The following DAW1 variants were observed in gnomAD, a reference collection of about 807,000 sequenced individuals.
DAW1 encodes dynein assembly factor with WD repeats 1, also known as dynein assembly factor with WD repeat domains 1.
Under a neutral mutation model 56.5 loss-of-function variants are expected in DAW1, and 47 were observed. The observed-to-expected ratio is 0.83, with a 90% CI of 0.66 to 1.06. The LOEUF (loss-of-function observed/expected upper bound fraction) is 1.06. Among genes scored for constraint, DAW1 ranks in the 50% least tolerant of loss-of-function variants. DAW1 has a pLI of 0.00. For missense variants in DAW1, 505 were observed against 499.3 expected, an observed-to-expected ratio of 1.01 and a Z score of -0.11; for synonymous variants, 190 against 179.0, an observed-to-expected ratio of 1.06 and a Z score of -0.49.
In DAW1 at chr2:227,924,058, T is replaced by C. The variant is rs1450480096; in HGVS notation, c.*90T>C. On this transcript the variant is annotated 3_prime_UTR_variant, in exon 13 of 13. Coordinates refer to ENST00000309931, the MANE Select transcript of DAW1 (RefSeq NM_178821.3). ...ACAGCAGCTCTCTTAATATTTCTTA[T>C]ACTTTCTCTTTTTCTGCAAGTCAAC... 6 of 1,467,050 alleles carry C rather than the reference T, an allele frequency of 4.1e-6. No homozygotes were observed. The highest frequency in any genetic ancestry group is 2.4e-5 in the East Asian group (1 of 41,752). 90.9% of individuals were successfully genotyped at this position (1,467,050 alleles called of 1,614,324 possible).
chr2:227,917,535 CAGGCATG>C (rs1353150979), intron 10 of DAW1, among the ~76,000 whole-genome samples: 3 of 151,942 alleles, frequency 2.0e-5, no homozygotes, highest in Non-Finnish European at 4.4e-5. Flanking sequence ...GCTGGGATTA[CAGGCATG>C]AGCCACTGCG....
At chr2:227,903,576 GC>G (rs933089444) in intron 7 of DAW1, among the ~76,000 whole-genome samples, 32 of 152,166 alleles carry the variant, frequency 2.1e-4, no homozygotes, top group African/African-American at 7.2e-4. Context: ...CAGAGTGAGT[GC>G]TGTGGGGCAT....
At chr2:227,904,377 C>T (rs906061851) in intron 7 of DAW1, among the ~76,000 whole-genome samples, 2 of 152,130 alleles carry the variant, frequency 1.3e-5, no homozygotes, top group Non-Finnish European at 2.9e-5. Context: ...GTGGTTTCTT[C>T]CCATTATCTT....
intron 2 of DAW1, among the ~76,000 whole-genome samples, chr2:227,885,996 CAG>C (rs1691121886): frequency 8.5e-6 from 1 of 118,322 alleles, no homozygotes; most frequent in Non-Finnish European, 1.7e-5. Flanking sequence ...TTTTTTGAGA[CAG>C]AGTTTCACTC....
chr2:227,905,018 G>T lies in DAW1; in HGVS notation c.738G>T (p.Trp246Cys). 1 of 1,612,446 alleles carries T rather than the reference G, an allele frequency of 6.2e-7. No homozygotes were observed. The highest frequency in any genetic ancestry group is 8.5e-7 in the Non-Finnish European group (1 of 1,179,108). ...TGSFDHTVVV[W>C]DADTGRKVNI... ...CTTTTGATCATACCGTTGTAGTGTGGGACGCTGATACTGGAAGGTAATTCT... is the reference window on the plus strand; with the variant it reads ...CTTTTGATCATACCGTTGTAGTGTGTGACGCTGATACTGGAAGGTAATTCT... The change falls in exon 8 of 13, where the codon TGG (tryptophan) becomes TGT (cysteine). Residue 246 changes from tryptophan (W) to cysteine (C), a missense_variant. By Grantham distance (215) the Trp-to-Cys change is radical. Coordinates refer to ENST00000309931, the MANE Select transcript of DAW1 (RefSeq NM_178821.3).
chr2:227,897,130 A>C (rs1691429895), intron 5 of DAW1, among the ~76,000 whole-genome samples: 1 of 151,064 alleles, frequency 6.6e-6, no homozygotes, highest in African/African-American at 2.4e-5. Flanking sequence ...CTTTGAGCTT[A>C]TCTTGAGCAC....
chr2:227,891,291 G>A lies in DAW1; in HGVS notation c.295G>A (p.Ala99Thr). Residue 99 changes from alanine (A) to threonine (T), a missense_variant, in exon 4 of 13, where the codon GCA becomes ACA. Ala to Thr is a moderately conservative substitution (Grantham distance 58, BLOSUM62 0). Coordinates refer to ENST00000309931, the MANE Select transcript of DAW1 (RefSeq NM_178821.3). ...ACATATATTGCCACTGACTAATGTT[G>A]CACTTAACAAATCGGGCTCATGGTA... is the stretch of plus-strand genomic sequence containing the variant. ...KAHILPLTNV[A>T]LNKSGSCFIT... The A allele has an allele frequency of 6.2e-7, 1 of 1,613,264 alleles. No homozygotes were observed. The highest frequency in any genetic ancestry group is 8.5e-7 in the Non-Finnish European group (1 of 1,179,696).
intron 2 of DAW1, among the ~76,000 whole-genome samples, chr2:227,886,960 A>G (rs1574652056): frequency 6.6e-6 from 1 of 152,326 alleles, no homozygotes; most frequent in African/African-American, 2.4e-5. Flanking sequence ...ACCGTAAGCA[A>G]AAGGAGCTTT....
chr2:227,891,457 C>G (rs1195368401), intron 4 of DAW1, 144 bp downstream of exon 4: 1 of 673,634 alleles, frequency 1.5e-6, no homozygotes, highest in Non-Finnish European at 2.5e-6. Context: ...AAATATAAAC[C>G]CTTTCTCCCA....
At chr2:227,923,018 A>G (rs1692145893) in intron 12 of DAW1, among the ~76,000 whole-genome samples, 1 of 152,212 alleles carries the variant, frequency 6.6e-6, no homozygotes, top group African/African-American at 2.4e-5. Context: ...TTCACAGAAG[A>G]CCCTGGAGAG....
At chr2:227,881,773 G>A (rs1474523386) in intron 1 of DAW1, among the ~76,000 whole-genome samples, 4 of 85,366 alleles carry the variant, frequency 4.7e-5, no homozygotes, top group African/African-American at 1.4e-4. Flanking sequence ...TTTTTTTTGA[G>A]ATAGAGTTTC....
chr2:227,887,786 G>A (rs1243487348), intron 2 of DAW1: 1 of 152,168 alleles, frequency 6.6e-6, no homozygotes, highest in Non-Finnish European at 1.5e-5. Context: ...ATATGAGAAA[G>A]TAAATAAATG....
intron 6 of DAW1, among the ~76,000 whole-genome samples, chr2:227,899,073 A>G (rs1559308186): frequency 6.6e-6 from 1 of 152,256 alleles, no homozygotes; most frequent in Non-Finnish European, 1.5e-5. Flanking sequence ...TCCTTGACCA[A>G]TTCTGAGACA....
chr2:227,890,354 T>A (rs560144548), intron 3 of DAW1, among the ~76,000 whole-genome samples: 1 of 152,346 alleles, frequency 6.6e-6, no homozygotes, highest in East Asian at 1.9e-4. Flanking sequence ...CATTTCGTAT[T>A]TTCTGCTTTC....
chr2:227,905,818 G>A (rs978974516), intron 8 of DAW1, among the ~76,000 whole-genome samples: 1 of 152,202 alleles, frequency 6.6e-6, no homozygotes, highest in Non-Finnish European at 1.5e-5. Flanking sequence ...GCAGTGGCGT[G>A]ATCTCGGCTC....
At position 227,919,687 on chromosome 2, in the gene DAW1, C is replaced by T. The variant is rs914695656; in HGVS notation, c.1050+831C>T. Among the ~76,000 whole-genome samples the T allele has an allele frequency of 2.6e-5, 4 of 152,284 alleles. No homozygotes were observed. In the South Asian group the frequency reaches 6.2e-4, roughly 24 times the overall value. ...TAAACTTCCCCCAAAGGATCATTCA[C>T]GGAGCAGGCCCACCCAGTCAGTGAT... On this transcript the variant is annotated intron_variant, in intron 11 of 12. Transcript: ENST00000309931.
chr2:227,907,181 G>A lies in DAW1; in HGVS notation c.902G>A (p.Gly301Asp), dbSNP rs1691706506. 6.8e-6 allele frequency: 11 copies of A among 1,613,490 alleles called. No individual in the cohort carries two copies. The highest frequency in any genetic ancestry group is 9.3e-6 in the Non-Finnish European group (11 of 1,179,828). The change falls in exon 10 of 13, where the codon GGC becomes GAC. Residue 301 changes from glycine (G) to aspartate (D), a missense_variant. Coordinates refer to ENST00000309931, the MANE Select transcript of DAW1 (RefSeq NM_178821.3). ...GGAAAATGTGTGGCAACCTTAACAGGCCATGATGATGAAATACTAGACAGC... is the reference window on the plus strand; with the variant it reads ...GGAAAATGTGTGGCAACCTTAACAGACCATGATGATGAAATACTAGACAGC... ...TNGKCVATLT[G>D]HDDEILDSCF...
rs754382336 is a variant in DAW1, at chr2:227,893,840, T to C, written c.363T>C (p.Thr121=). 4 of 1,613,970 alleles carry C rather than the reference T, an allele frequency of 2.5e-6. No individual in the cohort carries two copies. The highest frequency in any genetic ancestry group is 3.4e-6 in the Non-Finnish European group (4 of 1,179,918). ...ATCGGACGTGCAAGCTCTGGGACAC[T>C]GCGTCTGGAGAGGAGCTGAACACGC... The part of the protein sequence containing the change: ...SYDRTCKLWD[T]ASGEELNTLE... The change falls in exon 5 of 13, where the codon ACT becomes ACC. Residue 121 remains threonine (T), a synonymous_variant. Transcript: ENST00000309931.
intron 4 of DAW1, among the ~76,000 whole-genome samples, chr2:227,893,276 G>T (rs1026818458): frequency 6.7e-6 from 1 of 150,090 alleles, no homozygotes; most frequent in African/African-American, 2.5e-5. Flanking sequence ...TCTCGGGGGT[G>T]GGGTGGGGGT....
Sources: gnomAD v4.1 joint callset for allele counts (sites outside exome capture counted in the v4.1 genomes callset) on GRCh38, gnomAD v4.1.1 for gene constraint, MANE v1.5 for transcripts, NCBI Gene and HGNC (gene_info 2026-07-23, HGNC 2026-07-21) for gene names.